Variants in SNX2 observed in about 807,000 individuals in gnomAD.
SNX2 encodes the protein sorting nexin-2.
Under a neutral mutation model 69.9 loss-of-function variants are expected in SNX2, and 25 were observed. The ratio of observed to expected loss-of-function variants is 0.36; its 90% CI spans 0.26 to 0.50. The LOEUF (loss-of-function observed/expected upper bound fraction) is 0.50. Among genes scored for constraint, SNX2 ranks in the 20% least tolerant of loss-of-function variants. The probability of loss-of-function intolerance (pLI) is 0.97; values close to 1 mark genes in which losing one functional copy is unlikely to be tolerated. For synonymous variants in SNX2, 229 were observed against 200.4 expected (o/e 1.14, Z -1.20); for missense variants, 551 against 613.3 (o/e 0.90, Z 1.07).
intron 1 of SNX2, among the ~76,000 whole-genome samples, chr5:122,786,808 G>C (rs1376215238): frequency 1.3e-5 from 2 of 152,016 alleles, no homozygotes; most frequent in African/African-American, 4.8e-5. Flanking sequence ...ATTCTATCCA[G>C]AACTTTTAGT....
At chr5:122,782,588 A>T (rs1440873674) in intron 1 of SNX2, among the ~76,000 whole-genome samples, 15 of 149,478 alleles carry the variant, frequency 1.0e-4, no homozygotes, top group South Asian at 2.1e-4. Flanking sequence ...CAGGCTAGAG[A>T]GCAGTTGGCA....
chr5:122,776,158 A>G (rs1581619539), intron 1 of SNX2, among the ~76,000 whole-genome samples: 2 of 152,202 alleles, frequency 1.3e-5, no homozygotes, highest in East Asian at 1.9e-4. Flanking sequence ...ACTGTGGGCT[A>G]TACTTGCTTT....
chr5:122,783,603 G>A (rs1375016972), intron 1 of SNX2, among the ~76,000 whole-genome samples: 3 of 152,088 alleles, frequency 2.0e-5, no homozygotes, highest in Admixed American at 1.3e-4. Flanking sequence ...CCATATATAT[G>A]TGGGTTGACC....
chr5:122,796,069 TA>T (rs955286058), intron 2 of SNX2, among the ~76,000 whole-genome samples: 3 of 152,194 alleles, frequency 2.0e-5, no homozygotes, highest in Admixed American at 6.5e-5. Flanking sequence ...TTCATTGAGT[TA>T]AAACTTAATA....
intron 1 of SNX2, among the ~76,000 whole-genome samples, chr5:122,776,355 G>C (rs1752856343): frequency 1.3e-5 from 2 of 152,004 alleles, no homozygotes; most frequent in Admixed American, 6.6e-5. Context: ...CCTCCCCTCA[G>C]GTTATAGGTT....
intron 1 of SNX2, among the ~76,000 whole-genome samples, chr5:122,791,106 A>G (rs1484261485): frequency 7.2e-6 from 1 of 139,684 alleles, no homozygotes; most frequent in African/African-American, 2.7e-5. Context: ...TGGATGCACT[A>G]TAGGCTATTT....
At chr5:122,823,678 T>C (rs539791826) in intron 11 of SNX2, among the ~76,000 whole-genome samples, 1 of 151,684 alleles carries the variant, frequency 6.6e-6, no homozygotes, top group Admixed American at 6.6e-5. Context: ...AGACTAGGTC[T>C]AAAATCTTAC....
At chr5:122,817,523 TA>T in intron 10 of SNX2, 150 bp downstream of exon 10, 2 of 555,544 alleles carry the variant, frequency 3.6e-6, no homozygotes, top group Non-Finnish European at 2.9e-6. Flanking sequence ...CTTTATTATG[TA>T]AATTTTTTTT....
At chr5:122,820,744 G>T (rs549248252) in intron 11 of SNX2, among the ~76,000 whole-genome samples, 57 of 152,254 alleles carry the variant, frequency 3.7e-4, no homozygotes, top group African/African-American at 1.2e-3. Flanking sequence ...GGCACCAAAA[G>T]ATGGATTACA....
intron 14 of SNX2, among the ~76,000 whole-genome samples, chr5:122,828,362 AT>A: frequency 6.6e-6 from 1 of 152,208 alleles, no homozygotes; most frequent in East Asian, 1.9e-4. Flanking sequence ...ATAAAGTTAA[AT>A]TTTTTTAAAT....
chr5:122,818,973 A>G lies in SNX2; in HGVS notation c.1162A>G (p.Met388Val). The G allele has an allele frequency of 2.5e-6, 4 of 1,613,864 alleles. No individual in the cohort carries two copies. Among genetic ancestry groups the G allele is most frequent in the Non-Finnish European group, 3.4e-6 (4 of 1,179,854 alleles). Residue 388 changes from methionine (M) to valine (V), a missense_variant, in exon 11 of 15, where the codon ATG (methionine) becomes GTG (valine). Met to Val is a conservative substitution (Grantham distance 21). Around this residue, in one of 2 missense-constraint regions of SNX2, gnomAD observed 360 missense variants for 450.4 expected, o/e 0.80. Transcript: ENST00000379516. ...AGAACAAGCTTTTGCTGACTTTTAT[A>G]TGTTTTCAGAACTACTTAGTGACTA... ...HQEQAFADFY[M>V]FSELLSDYIR...
At chr5:122,816,140 T>C (rs945985562) in intron 8 of SNX2, among the ~76,000 whole-genome samples, 169 bp downstream of exon 8, 5 of 152,320 alleles carry the variant, frequency 3.3e-5, no homozygotes, top group African/African-American at 9.6e-5. Flanking sequence ...TAGCAAAATA[T>C]CTTTGCTTTG....
intron 7 of SNX2, among the ~76,000 whole-genome samples, chr5:122,814,838 C>T (rs1328919277): frequency 6.6e-6 from 1 of 152,010 alleles, no homozygotes; most frequent in Non-Finnish European, 1.5e-5. Flanking sequence ...CAACCTCCAC[C>T]CTCCAGGTTC....
intron 14 of SNX2, among the ~76,000 whole-genome samples, chr5:122,828,985 G>A (rs1754219886): frequency 6.6e-6 from 1 of 151,924 alleles, no homozygotes; most frequent in African/African-American, 2.4e-5. Context: ...GCTGGGCGTG[G>A]TGGCGCACCT....
At chr5:122,824,425 G>C (rs17450589) in intron 11 of SNX2, among the ~76,000 whole-genome samples, 2 of 151,696 alleles carry the variant, frequency 1.3e-5, no homozygotes, top group African/African-American at 4.8e-5. Context: ...TTTTAATAAG[G>C]GATGTTTTAG....
At position 122,832,519 on chromosome 5, in the gene SNX2, G is replaced by T. The variant is rs1754316962; in HGVS notation, c.*2871G>T. The T allele has an allele frequency of 1.3e-5, 2 of 151,736 alleles. No homozygotes were observed. Among genetic ancestry groups the T allele is most frequent in the African/African-American group, 2.4e-5 (1 of 41,266 alleles). The allele number at this position is 151,736 out of a possible 1,614,324, so 9.4% of individuals were successfully genotyped here. ...AATCTCAAAATACCTTTGTTTCATT[G>T]TTGCTACTCCTTAAACTTTTTTCTT... On this transcript the variant is annotated 3_prime_UTR_variant, in exon 15 of 15. Coordinates refer to ENST00000379516, the MANE Select transcript of SNX2 (RefSeq NM_003100.4).
At chr5:122,825,933 A>G in intron 11 of SNX2, 117 bp from the exon 12 acceptor site, 1 of 856,784 alleles carries the variant, frequency 1.2e-6, no homozygotes, top group Non-Finnish European at 1.7e-6. Flanking sequence ...ATCTTAGTAT[A>G]TTAGAATAGA....
chr5:122,815,242 C>T (rs1267256609), intron 7 of SNX2, among the ~76,000 whole-genome samples: 1 of 151,908 alleles, frequency 6.6e-6, no homozygotes, highest in Non-Finnish European at 1.5e-5. Context: ...ATGTGGTATT[C>T]GTTTATTTGA....
chr5:122,828,991 C>T (rs1050185097), intron 14 of SNX2, among the ~76,000 whole-genome samples: 8 of 151,796 alleles, frequency 5.3e-5, no homozygotes, highest in Non-Finnish European at 8.8e-5. Context: ...CGTGGTGGCG[C>T]ACCTGTAATC....
Sources: allele counts gnomAD v4.1 joint callset (sites outside exome capture counted in the v4.1 genomes callset), GRCh38; gene constraint gnomAD v4.1.1; regional missense constraint gnomAD v4.1.1; transcripts MANE v1.5; gene names NCBI Gene and HGNC (gene_info 2026-07-23, HGNC 2026-07-21).